Variants in SEMA3E observed in about 807,000 individuals in gnomAD.
SEMA3E encodes the protein semaphorin-3E.
Under a neutral mutation model 93.6 loss-of-function variants are expected in SEMA3E, and 49 were observed. That is an observed-to-expected ratio of 0.52 (90% CI 0.42 to 0.66). The LOEUF (loss-of-function observed/expected upper bound fraction) is 0.66, where lower values mean the gene tolerates loss of function less well. SEMA3E is among the 30% of genes least tolerant of loss of function. The probability of loss-of-function intolerance (pLI) is 0.00; values close to 1 mark genes in which losing one functional copy is unlikely to be tolerated. For synonymous variants in SEMA3E, 363 were observed against 330.7 expected (o/e 1.10, Z -1.06); for missense variants, 906 against 964.8 (o/e 0.94, Z 0.81).
chr7:83,453,421 GAAAA>G (rs34099626), intron 4 of SEMA3E, among the ~76,000 whole-genome samples: 1 of 136,892 alleles, frequency 7.3e-6, no homozygotes, highest in African/African-American at 2.8e-5. Flanking sequence ...TCTCCCTACT[GAAAA>G]AAAAAAAAAA....
intron 1 of SEMA3E, among the ~76,000 whole-genome samples, chr7:83,547,251 A>G (rs1791671455): frequency 1.3e-5 from 2 of 152,258 alleles, no homozygotes; most frequent in South Asian, 4.1e-4. Context: ...ATTAATTAGC[A>G]TTTAGGCAGA....
intron 1 of SEMA3E, among the ~76,000 whole-genome samples, chr7:83,607,268 G>T (rs1322012092): frequency 1.3e-5 from 2 of 152,176 alleles, no homozygotes; most frequent in African/African-American, 4.8e-5. Flanking sequence ...TTTACAACTT[G>T]ATTGACTTTC....
chr7:83,465,375 T>C (rs993567210), intron 4 of SEMA3E, among the ~76,000 whole-genome samples: 5 of 152,146 alleles, frequency 3.3e-5, no homozygotes, highest in African/African-American at 4.8e-5. Context: ...TTCACACGGA[T>C]GCACATGAAA....
chr7:83,392,569 G>A lies in SEMA3E; in HGVS notation c.1653C>T (p.Gly551=), dbSNP rs1788039802. ...GISCSRYYPT[G]THAKRRFRRQ... The stretch of plus-strand genomic sequence containing the variant: ...GCACGTCTCACCTTTTTGCATGTGT[G>A]CCTGTTGGGTAATACCGGGAGCAGG... Residue 551 remains glycine, a synonymous_variant, in exon 14 of 17, where the codon GGC becomes GGT. Coordinates refer to ENST00000643230, the MANE Select transcript of SEMA3E (RefSeq NM_012431.3). 1 of 1,613,298 alleles carries A rather than the reference G, an allele frequency of 6.2e-7. No homozygotes were observed. The highest frequency in any genetic ancestry group is 1.3e-5 in the African/African-American group (1 of 74,778).
chr7:83,412,570 AC>A, intron 5 of SEMA3E, among the ~76,000 whole-genome samples: 2 of 151,852 alleles, frequency 1.3e-5, no homozygotes, highest in East Asian at 1.9e-4. Flanking sequence ...ACATAAAGAG[AC>A]CCCCATCTCT....
At chr7:83,417,079 C>A (rs1013236449) in intron 5 of SEMA3E, among the ~76,000 whole-genome samples, 1 of 144,520 alleles carries the variant, frequency 6.9e-6, no homozygotes, top group African/African-American at 2.5e-5. Context: ...AATATTTTCT[C>A]TTTAATATTT....
intron 1 of SEMA3E, among the ~76,000 whole-genome samples, chr7:83,623,199 G>A (rs1217673952): frequency 6.6e-6 from 1 of 151,850 alleles, no homozygotes; most frequent in East Asian, 1.9e-4. Context: ...AAAGACATAT[G>A]TATACTAATG....
At position 83,392,545 on chromosome 7, in the gene SEMA3E, C is replaced by T; in HGVS notation, c.1667+10G>A. 2 of 1,612,630 alleles carry T rather than the reference C, an allele frequency of 1.2e-6. No individual in the cohort carries two copies. The highest frequency in any genetic ancestry group is 8.5e-7 in the Non-Finnish European group (1 of 1,179,450). On this transcript the variant is annotated intron_variant, in intron 14 of 16. Coordinates refer to ENST00000643230, the MANE Select transcript of SEMA3E (RefSeq NM_012431.3). ...GCAAGGGAAATAGTTAATCAGGTAGCACGTCTCACCTTTTTGCATGTGTGC... is the reference window on the plus strand; with the variant it reads ...GCAAGGGAAATAGTTAATCAGGTAGTACGTCTCACCTTTTTGCATGTGTGC...
At chr7:83,454,039 A>T (rs1789422336) in intron 4 of SEMA3E, among the ~76,000 whole-genome samples, 1 of 151,512 alleles carries the variant, frequency 6.6e-6, no homozygotes, top group African/African-American at 2.4e-5. Context: ...CGGGTGGATC[A>T]CGAGGTCAGG....
In SEMA3E at chr7:83,455,512, A is replaced by T. The variant is rs569877909; in HGVS notation, c.456+10970T>A. Among the ~76,000 whole-genome samples the T allele has an allele frequency of 9.2e-5, 14 of 152,352 alleles. No individual in the cohort carries two copies. In the South Asian group the frequency reaches 2.5e-3, roughly 27 times the overall value. ...CTTTAACATGTAAGATATGGAAAGA[A>T]TACTGTGGTGGGTAGAATGCTTATG... is the stretch of plus-strand genomic sequence containing the variant. On this transcript the variant is annotated intron_variant, in intron 4 of 16. Transcript: ENST00000643230.
intron 1 of SEMA3E, among the ~76,000 whole-genome samples, chr7:83,548,510 A>T (rs1017510326): frequency 7.9e-5 from 12 of 152,058 alleles, no homozygotes; most frequent in African/African-American, 2.9e-4. Context: ...CATTATTGAG[A>T]TTTTTTTCCC....
At chr7:83,554,480 C>T (rs903775927) in intron 1 of SEMA3E, among the ~76,000 whole-genome samples, 5 of 152,010 alleles carry the variant, frequency 3.3e-5, no homozygotes, top group Admixed American at 2.6e-4. Context: ...TCTTTCTGAC[C>T]GTTCTAGAGA....
At chr7:83,587,960 G>A (rs945505793) in intron 1 of SEMA3E, among the ~76,000 whole-genome samples, 2 of 151,726 alleles carry the variant, frequency 1.3e-5, no homozygotes, top group Non-Finnish European at 2.9e-5. Context: ...AGATTAATTT[G>A]CTTATTATGT....
Position 83,648,693 on chromosome 7 carries a change from T to C in SEMA3E, c.-151A>G. The C allele has an allele frequency of 1.4e-6, 1 of 708,280 alleles. No homozygotes were observed. Among genetic ancestry groups the C allele is most frequent in the Non-Finnish European group, 2.6e-6 (1 of 384,646 alleles). The allele number at this position is 708,280 out of a possible 1,614,324, so 43.9% of individuals were successfully genotyped here. ...AAGCACAGTTCCGAAGTGCCATTTGTCAGGCTGTATTTGGCTATGTAAAAC... is the reference window on the plus strand; with the variant it reads ...AAGCACAGTTCCGAAGTGCCATTTGCCAGGCTGTATTTGGCTATGTAAAAC... On this transcript the variant is annotated 5_prime_UTR_variant, in exon 1 of 17. Transcript: ENST00000643230.
intron 10 of SEMA3E, among the ~76,000 whole-genome samples, chr7:83,401,300 A>C (rs2115621812): frequency 6.6e-6 from 1 of 152,242 alleles, no homozygotes; most frequent in East Asian, 1.9e-4. Flanking sequence ...TACCTTGATA[A>C]AAATTTTCCA....
intron 1 of SEMA3E, among the ~76,000 whole-genome samples, chr7:83,574,869 A>C (rs1792367212): frequency 6.6e-6 from 1 of 152,146 alleles, no homozygotes; most frequent in South Asian, 2.1e-4. Flanking sequence ...GAGATCACCC[A>C]CCAGAAGTAC....
At chr7:83,605,326 G>A (rs1431270142) in intron 1 of SEMA3E, among the ~76,000 whole-genome samples, 1 of 151,888 alleles carries the variant, frequency 6.6e-6, no homozygotes, top group African/African-American at 2.4e-5. Flanking sequence ...TCACCATTCT[G>A]ACTGGCATGA....
At chr7:83,524,258 T>A (rs1370547423) in intron 1 of SEMA3E, among the ~76,000 whole-genome samples, 2 of 152,090 alleles carry the variant, frequency 1.3e-5, no homozygotes, top group African/African-American at 4.8e-5. Flanking sequence ...TGAGTCCACC[T>A]GAGGTACCTT....
At chr7:83,434,606 C>A (rs1788961434) in intron 4 of SEMA3E, among the ~76,000 whole-genome samples, 1 of 151,978 alleles carries the variant, frequency 6.6e-6, no homozygotes, top group African/African-American at 2.4e-5. Flanking sequence ...GCACAATAAA[C>A]CAAATTTACT....
Sources: allele counts gnomAD v4.1 joint callset (sites outside exome capture counted in the v4.1 genomes callset), GRCh38; gene constraint gnomAD v4.1.1; transcripts MANE v1.5; gene names NCBI Gene and HGNC (gene_info 2026-07-23, HGNC 2026-07-21).